Variants in MS4A4A observed in about 807,000 individuals in gnomAD.
MS4A4A encodes the protein membrane-spanning 4-domains subfamily A member 4A.
Under a neutral mutation model 28.0 loss-of-function variants are expected in MS4A4A, and 26 were observed. The ratio of observed to expected loss-of-function variants is 0.93; its 90% CI spans 0.68 to 1.29. The LOEUF (loss-of-function observed/expected upper bound fraction) is 1.29. Among genes scored for constraint, MS4A4A ranks in the 50% most tolerant of loss-of-function variants. MS4A4A has a pLI of 0.00. For synonymous variants in MS4A4A, 86 were observed against 100.8 expected (o/e 0.85, Z 0.88); for missense variants, 290 against 293.1 (o/e 0.99, Z 0.08).
chr11:60,301,425 G>T (rs1242909643), intron 4 of MS4A4A, among the ~76,000 whole-genome samples: 1 of 152,136 alleles, frequency 6.6e-6, no homozygotes, highest in Non-Finnish European at 1.5e-5. Flanking sequence ...TTATAATGTA[G>T]ACTCCAACTG....
In MS4A4A at chr11:60,308,681, C is replaced by CT. The variant is rs2085030105; in HGVS notation, c.*503_*504insT. 1 of 152,840 alleles carries CT rather than the reference C, an allele frequency of 6.5e-6. No homozygotes were observed. 9.5% of individuals were successfully genotyped at this position (152,840 alleles called of 1,614,324 possible). A position where few individuals can be genotyped will look rare whatever the true frequency, so the allele number is the denominator to read the frequency against. ...TGGAGATGCATGGCCATCTCCCCCT[C>CT]CCTTTTTCCTTCTCCTGCTTTTCTT... is the stretch of plus-strand genomic sequence containing the variant. On this transcript the variant is annotated 3_prime_UTR_variant, in exon 7 of 7. Coordinates refer to ENST00000337908, the MANE Select transcript of MS4A4A (RefSeq NM_148975.3).
intron 3 of MS4A4A, 53 bp from the exon 4 acceptor site, chr11:60,300,948 A>T: frequency 7.7e-7 from 1 of 1,304,866 alleles, no homozygotes; most frequent in African/African-American, 1.5e-5. Flanking sequence ...GTAAGTTATG[A>T]CTCCCAATAC....
intron 5 of MS4A4A, among the ~76,000 whole-genome samples, chr11:60,303,252 T>C (rs1447956055): frequency 1.3e-5 from 2 of 152,248 alleles, no homozygotes; most frequent in African/African-American, 4.8e-5. Flanking sequence ...CAATTGTTCT[T>C]ATCTTAATGC....
chr11:60,308,245 A>T lies in MS4A4A; in HGVS notation c.*67A>T. ...GCTGACTGTGACACAAGAGCCTCAC[A>T]TGAGAAATTACCAGTATCCAACTTC... On this transcript the variant is annotated 3_prime_UTR_variant, in exon 7 of 7. Coordinates refer to ENST00000337908, the MANE Select transcript of MS4A4A (RefSeq NM_148975.3). The T allele has an allele frequency of 6.8e-7, 1 of 1,473,844 alleles. No homozygotes were observed. Among genetic ancestry groups the T allele is most frequent in the Non-Finnish European group, 9.5e-7 (1 of 1,055,834 alleles). The allele number at this position is 1,473,844 out of a possible 1,614,324, so 91.3% of individuals were successfully genotyped here.
chr11:60,290,234 T>C, intron 1 of MS4A4A: 1 of 278,226 alleles, frequency 3.6e-6, no homozygotes, highest in South Asian at 3.5e-5. Context: ...ATTCCCAGGA[T>C]TATAAACAGT....
chr11:60,288,794 C>T (rs1196353929), intron 1 of MS4A4A, among the ~76,000 whole-genome samples: 2 of 152,100 alleles, frequency 1.3e-5, no homozygotes, highest in Non-Finnish European at 2.9e-5. Context: ...AGAAATGACC[C>T]CCTGGGGAGC....
intron 1 of MS4A4A, among the ~76,000 whole-genome samples, chr11:60,286,145 C>G (rs925213486): frequency 6.6e-6 from 1 of 152,162 alleles, no homozygotes; most frequent in Non-Finnish European, 1.5e-5. Flanking sequence ...TTGTTCTGCC[C>G]GGCCCCGCAG....
intron 5 of MS4A4A, among the ~76,000 whole-genome samples, chr11:60,303,078 A>G (rs565191834): frequency 6.6e-6 from 1 of 152,198 alleles, no homozygotes; most frequent in Non-Finnish European, 1.5e-5. Context: ...CTATTCTCTA[A>G]TAATGAAGTA....
intron 5 of MS4A4A, 184 bp from the exon 6 acceptor site, chr11:60,305,916 C>T (rs2084995505): frequency 1.0e-5 from 6 of 576,612 alleles, no homozygotes; most frequent in Non-Finnish European, 1.5e-5. Flanking sequence ...ATTATTTTAT[C>T]AGTGAAAAAA....
chr11:60,285,767 G>A lies in MS4A4A; in HGVS notation c.41+5051G>A, dbSNP rs534230032. Among the ~76,000 whole-genome samples, 558 of 152,230 alleles carry A rather than the reference G, an allele frequency of 3.7e-3. 4 individuals carry two copies. Among genetic ancestry groups the A allele is most frequent in the African/African-American group, 0.013 (548 of 41,526 alleles). ...TTCAAATGGCAATAAAAGATCACAA[G>A]GGCAGAAGGGCAGAGCAAGGTCACA... On this transcript the variant is annotated intron_variant, in intron 1 of 6. Transcript: ENST00000337908.
At chr11:60,285,629 A>T (rs560222490) in intron 1 of MS4A4A, among the ~76,000 whole-genome samples, 2 of 152,330 alleles carry the variant, frequency 1.3e-5, no homozygotes, top group African/African-American at 2.4e-5. Flanking sequence ...GGGTGACATC[A>T]CATATCAGCA....
intron 4 of MS4A4A, among the ~76,000 whole-genome samples, chr11:60,301,605 A>C (rs2084953296): frequency 6.6e-6 from 1 of 152,156 alleles, no homozygotes; most frequent in Non-Finnish European, 1.5e-5. Context: ...TCCATATTTG[A>C]GTTTTCTTTG....
intron 5 of MS4A4A, among the ~76,000 whole-genome samples, chr11:60,304,743 T>C (rs2084982907): frequency 1.3e-5 from 2 of 152,250 alleles, no homozygotes; most frequent in Non-Finnish European, 1.5e-5. Context: ...TGAGTATGTG[T>C]GACAGAGACC....
chr11:60,292,453 T>C (rs1029350836), intron 2 of MS4A4A, 69 bp downstream of exon 2: 4 of 1,445,510 alleles, frequency 2.8e-6, no homozygotes, highest in Non-Finnish European at 3.7e-6. Flanking sequence ...TAATGCCAAA[T>C]ACACTGTCCC....
intron 5 of MS4A4A, among the ~76,000 whole-genome samples, chr11:60,305,534 G>T (rs886080453): frequency 1.3e-5 from 2 of 152,126 alleles, no homozygotes; most frequent in East Asian, 3.8e-4. Flanking sequence ...CTCTATTCTG[G>T]CTCTTGCTTC....
intron 1 of MS4A4A, among the ~76,000 whole-genome samples, chr11:60,287,312 C>T (rs2084811457): frequency 6.6e-6 from 1 of 151,976 alleles, no homozygotes; most frequent in Non-Finnish European, 1.5e-5. Context: ...GAGGATAATC[C>T]CATGAAGGAA....
intron 3 of MS4A4A, among the ~76,000 whole-genome samples, chr11:60,300,729 A>T (rs2084946703): frequency 6.6e-6 from 1 of 151,846 alleles, no homozygotes; most frequent in Non-Finnish European, 1.5e-5. Flanking sequence ...TTGTATCAGG[A>T]GTTTGGAAAC....
At position 60,286,854 on chromosome 11, in the gene MS4A4A, T is replaced by A. The variant is rs1398934088; in HGVS notation, c.42-5371T>A. On this transcript the variant is annotated intron_variant, in intron 1 of 6. Transcript: ENST00000337908. ...CGCTCTTTGACTTTTGTTCAAAGATTTAATTCATTTATATTTAAGGTTAGC... is the reference window on the plus strand; with the variant it reads ...CGCTCTTTGACTTTTGTTCAAAGATATAATTCATTTATATTTAAGGTTAGC... Among the ~76,000 whole-genome samples the A allele has an allele frequency of 5.3e-5, 8 of 152,348 alleles. No individual in the cohort carries two copies. The East Asian group carries it at 1.5e-3, about 29-fold the overall frequency.
rs1305610686 is a variant in MS4A4A at position 60,297,200 on chromosome 11, G to A, written c.205G>A (p.Val69Met). Residue 69 changes from valine to methionine, a missense_variant, in exon 3 of 7, where the codon GTG becomes ATG. Physicochemically the swap from Val to Met is conservative, Grantham distance 21. Transcript: ENST00000337908. ...LKGEPKVLGV[V>M]QILTALMSLS... The stretch of plus-strand genomic sequence containing the variant: ...TTGCTTTCTTCACCATTTTTAGGTT[G>A]TGCAGATTCTGACTGCCCTGATGAG... 1 of 1,612,998 alleles carries A rather than the reference G, an allele frequency of 6.2e-7. No individual in the cohort carries two copies. Among genetic ancestry groups the A allele is most frequent in the Non-Finnish European group, 8.5e-7 (1 of 1,179,378 alleles).
Sources: gnomAD v4.1 joint callset for allele counts (sites outside exome capture counted in the v4.1 genomes callset) on GRCh38, gnomAD v4.1.1 for gene constraint, MANE v1.5 for transcripts, NCBI Gene and HGNC (gene_info 2026-07-23, HGNC 2026-07-21) for gene names.